Variants in ATP8A2 observed in about 807,000 individuals in gnomAD.
ATP8A2 encodes ATPase phospholipid transporting 8A2, also known as phospholipid-transporting ATPase IB.
ATP8A2 carries 100 observed loss-of-function variants against 165.6 expected under a neutral mutation model. The ratio of observed to expected loss-of-function variants is 0.60; its 90% CI spans 0.51 to 0.71. The LOEUF is 0.71. Ranked by LOEUF, ATP8A2 falls within the 30% of genes least tolerant of loss-of-function variation. The pLI is 0.00. For missense variants in ATP8A2, 1,227 were observed against 1,479.5 expected, an observed-to-expected ratio of 0.83 and a Z score of 2.80; for synonymous variants, 543 against 548.8, an observed-to-expected ratio of 0.99 and a Z score of 0.15.
chr13:25,576,091 T>C (rs1403804956), intron 19 of ATP8A2, among the ~76,000 whole-genome samples: 1 of 152,164 alleles, frequency 6.6e-6, no homozygotes, highest in Non-Finnish European at 1.5e-5. Context: ...GCTTTACACA[T>C]TGAGAAACTG....
At chr13:26,019,840 C>G in intron 36 of ATP8A2, 48 bp from the exon 37 acceptor site, 1 of 1,369,900 alleles carries the variant, frequency 7.3e-7, no homozygotes, top group Non-Finnish European at 1.0e-6. Context: ...CTAGTGTGCT[C>G]CCCCAATTCT....
chr13:25,464,179 C>A (rs538092004), intron 1 of ATP8A2, among the ~76,000 whole-genome samples: 62 of 152,272 alleles, frequency 4.1e-4, no homozygotes, highest in African/African-American at 1.5e-3. Flanking sequence ...AGCATCTGTG[C>A]TAGATTATCT....
intron 35 of ATP8A2, among the ~76,000 whole-genome samples, chr13:25,980,166 C>T (rs1032637614): frequency 1.3e-5 from 2 of 152,160 alleles, no homozygotes; most frequent in East Asian, 1.9e-4. Context: ...CCTTCCTTCC[C>T]GCTGGGTGTG....
At chr13:25,991,015 T>C (rs2139289464) in intron 35 of ATP8A2, among the ~76,000 whole-genome samples, 1 of 152,170 alleles carries the variant, frequency 6.6e-6, no homozygotes, top group East Asian at 1.9e-4. Context: ...ATGGTTTCCA[T>C]ATGTGCTGGG....
chr13:25,879,716 A>G (rs1952922691), intron 33 of ATP8A2, among the ~76,000 whole-genome samples: 1 of 152,218 alleles, frequency 6.6e-6, no homozygotes, highest in Admixed American at 6.5e-5. Flanking sequence ...CTTCAAGCAG[A>G]TTTATGCAAA....
intron 23 of ATP8A2, among the ~76,000 whole-genome samples, chr13:25,584,032 G>A (rs2039850705): frequency 6.6e-6 from 1 of 152,118 alleles, no homozygotes; most frequent in African/African-American, 2.4e-5. Context: ...GTATCAGTCA[G>A]ATTCAAACAC....
intron 25 of ATP8A2, among the ~76,000 whole-genome samples, chr13:25,762,268 CAAAAAA>C (rs59081934): frequency 2.4e-4 from 10 of 41,310 alleles, no homozygotes; most frequent in South Asian, 1.8e-3. Flanking sequence ...GACTCTGTCT[CAAAAAA>C]AAAAAAAAAA....
intron 6 of ATP8A2, chr13:25,534,088 A>G (rs759004082): frequency 8.5e-6 from 4 of 472,874 alleles, no homozygotes; most frequent in Non-Finnish European, 1.3e-5. Flanking sequence ...ATGTTTTTAA[A>G]TGCCTCTTAC....
At chr13:25,377,469 G>C (rs1049570034) in intron 1 of ATP8A2, among the ~76,000 whole-genome samples, 1 of 152,186 alleles carries the variant, frequency 6.6e-6, no homozygotes, top group Admixed American at 6.5e-5. Context: ...TCACACCCCA[G>C]TGGCTGCCTG....
intron 27 of ATP8A2, among the ~76,000 whole-genome samples, chr13:25,790,476 A>G (rs1001113073): frequency 4.6e-5 from 7 of 151,772 alleles, no homozygotes; most frequent in South Asian, 4.2e-4. Flanking sequence ...GCTTGAGCCC[A>G]GGAGTTTGAG....
In ATP8A2 at chr13:25,538,010, A is replaced by C; in HGVS notation, c.530A>C (p.Lys177Thr). 1.2e-6 allele frequency: 2 copies of C among 1,613,882 alleles called. No homozygotes were observed. Among genetic ancestry groups the C allele is most frequent in the Non-Finnish European group, 1.7e-6 (2 of 1,179,866 alleles). The change falls in exon 7 of 37, where the codon AAG (lysine) becomes ACG (threonine). Residue 177 changes from lysine (K) to threonine (T), a missense_variant. Transcript: ENST00000381655. ...TAGGTGGCAGTGGGAGACATTGTGA[A>C]GGTCGTCAATGGGCAGTATCTTCCA... Reference protein sequence around the residue: ...WKEVAVGDIVKVVNGQYLPAD... With the variant: ...WKEVAVGDIVTVVNGQYLPAD...
chr13:25,558,195 C>T (rs936264008), intron 13 of ATP8A2, among the ~76,000 whole-genome samples: 1 of 152,182 alleles, frequency 6.6e-6, no homozygotes, highest in Non-Finnish European at 1.5e-5. Flanking sequence ...AGCCTCTGCA[C>T]CTGGCCTTTA....
In ATP8A2 at chr13:25,559,077, A is replaced by C; in HGVS notation, c.1352+16A>C. 6.5e-7 allele frequency: 1 copy of C among 1,536,278 alleles called. No individual in the cohort carries two copies. ...TAACCTATGGGTCAGTGTGTTTATC[A>C]TTTACTGAAAATTTACTTGTATTCT... On this transcript the variant is annotated intron_variant, in intron 14 of 36. Coordinates refer to ENST00000381655, the MANE Select transcript of ATP8A2 (RefSeq NM_016529.6).
chr13:25,860,564 G>A (rs1952317750), intron 31 of ATP8A2, among the ~76,000 whole-genome samples: 1 of 152,086 alleles, frequency 6.6e-6, no homozygotes, highest in Non-Finnish European at 1.5e-5. Flanking sequence ...CTAAGAAAAG[G>A]GCAAAACTAT....
chr13:25,435,865 G>T (rs1316210823), intron 1 of ATP8A2, among the ~76,000 whole-genome samples: 1 of 151,860 alleles, frequency 6.6e-6, no homozygotes, highest in South Asian at 2.1e-4. Context: ...TTAAACTGTA[G>T]ACTAAAATGA....
At chr13:25,756,327 CTTT>C (rs11379467) in intron 25 of ATP8A2, among the ~76,000 whole-genome samples, 8 of 137,154 alleles carry the variant, frequency 5.8e-5, no homozygotes, top group Admixed American at 1.5e-4. Context: ...CTGTTGGATT[CTTT>C]TTTTTTTTTT....
At chr13:25,896,382 A>T (rs1197489474) in intron 33 of ATP8A2, among the ~76,000 whole-genome samples, 3 of 152,184 alleles carry the variant, frequency 2.0e-5, no homozygotes, top group African/African-American at 7.2e-5. Context: ...GTTTGATTGC[A>T]CTGTGGTGTG....
chr13:25,601,426 GA>G, intron 24 of ATP8A2, among the ~76,000 whole-genome samples: 1 of 152,328 alleles, frequency 6.6e-6, no homozygotes, highest in Non-Finnish European at 1.5e-5. Context: ...AGACCACTTT[GA>G]AAAGATATGT....
rs535561975 is a variant in ATP8A2 at position 25,386,561 on chromosome 13, C to T, written c.76+14273C>T. Among the ~76,000 whole-genome samples the T allele has an allele frequency of 2.9e-4, 44 of 152,300 alleles. No homozygotes were observed. The South Asian group carries it at 3.7e-3, about 13-fold the overall frequency. On this transcript the variant is annotated intron_variant, in intron 1 of 36. Coordinates refer to ENST00000381655, the MANE Select transcript of ATP8A2 (RefSeq NM_016529.6). ...TTCTCTCTAAGAATGAAAGCTATGACCCCCACATTAATTCCAGATTCTGAA... is the reference window on the plus strand; with the variant it reads ...TTCTCTCTAAGAATGAAAGCTATGATCCCCACATTAATTCCAGATTCTGAA...
Sources: gnomAD v4.1 joint callset for allele counts (sites outside exome capture counted in the v4.1 genomes callset) on GRCh38, gnomAD v4.1.1 for gene constraint, MANE v1.5 for transcripts, NCBI Gene and HGNC (gene_info 2026-07-23, HGNC 2026-07-21) for gene names.